The following FAM81A variants were observed in gnomAD, a reference collection of about 807,000 sequenced individuals.
FAM81A encodes protein FAM81A.
In FAM81A, 19 loss-of-function variants were observed where a neutral mutation model predicts 46.7. The observed-to-expected ratio is 0.41, with a 90% CI of 0.28 to 0.60. The LOEUF (loss-of-function observed/expected upper bound fraction) is 0.60, where lower values mean the gene tolerates loss of function less well. FAM81A is among the 20% of genes least tolerant of loss of function. The pLI is 0.34. For synonymous variants in FAM81A, 183 were observed against 152.9 expected (o/e 1.20, Z -1.45); for missense variants, 377 against 453.5 (o/e 0.83, Z 1.53).
At position 59,433,023 on chromosome 15, in the gene FAM81A, T is replaced by G. The variant is rs180984579; in HGVS notation, c.-77-25527T>G. 1.5e-3 allele frequency among the ~76,000 whole-genome samples: 228 copies of G among 149,466 alleles called. 7 individuals carry two copies. In the East Asian group the frequency reaches 0.043, roughly 28 times the overall value. ...TGGGCATGGTGGTGGGTGCCTGTAG[T>G]CCCAGCTACTCGGGAGGCTGAGGCA... On this transcript the variant is annotated intron_variant, in intron 2 of 4. Coordinates refer to the FAM81A transcript ENST00000558348.
intron 3 of FAM81A, among the ~76,000 whole-genome samples, chr15:59,482,827 C>T (rs1423081224): frequency 6.6e-6 from 1 of 152,192 alleles, no homozygotes; most frequent in East Asian, 1.9e-4. Flanking sequence ...TGCACCGGAG[C>T]TTGCCAGCGC....
chr15:59,406,553 A>G lies in FAM81A; in HGVS notation c.-78+4195A>G, dbSNP rs1366538718. On this transcript the variant is annotated intron_variant, in intron 2 of 4. Transcript: ENST00000558348. The stretch of plus-strand genomic sequence containing the variant: ...TCACCCACTTTAAGTGTACAATTTG[A>G]TAATTTTAGTAAGTTTGCAGAGTTG... Among the ~76,000 whole-genome samples the G allele has an allele frequency of 1.3e-5, 2 of 152,224 alleles. 1 individual carries two copies. The highest frequency in any genetic ancestry group is 1.3e-4 in the Admixed American group (2 of 15,286).
At chr15:59,490,821 G>A (rs2081972711) in intron 3 of FAM81A, among the ~76,000 whole-genome samples, 1 of 152,148 alleles carries the variant, frequency 6.6e-6, no homozygotes, top group Admixed American at 6.6e-5. Flanking sequence ...GGGTGACAGT[G>A]AGACTTAGTC....
At chr15:59,462,282 A>G (rs2081561985) in intron 3 of FAM81A, among the ~76,000 whole-genome samples, 2 of 152,100 alleles carry the variant, frequency 1.3e-5, no homozygotes, top group Admixed American at 6.5e-5. Context: ...CAATGTATGA[A>G]GGTCCCAGTT....
At chr15:59,519,717 C>T (rs1287560621) in intron 8 of FAM81A, among the ~76,000 whole-genome samples, 1 of 151,476 alleles carries the variant, frequency 6.6e-6, no homozygotes, top group African/African-American at 2.4e-5. Flanking sequence ...CATTTTTATC[C>T]ATTTGTGACA....
chr15:59,484,180 T>C (rs1333021799), intron 3 of FAM81A, among the ~76,000 whole-genome samples: 2 of 152,152 alleles, frequency 1.3e-5, no homozygotes, highest in Non-Finnish European at 2.9e-5. Flanking sequence ...GCAGATGAAA[T>C]AGAAAACAGG....
At chr15:59,416,960 A>C (rs1346794554) in intron 2 of FAM81A, among the ~76,000 whole-genome samples, 1 of 152,162 alleles carries the variant, frequency 6.6e-6, no homozygotes. Context: ...GCGAGTAAGC[A>C]GCCAAAGAGT....
chr15:59,455,627 G>T (rs1596484560), intron 1 of FAM81A, among the ~76,000 whole-genome samples: 1 of 152,124 alleles, frequency 6.6e-6, no homozygotes, highest in African/African-American at 2.4e-5. Context: ...TTCATAAAGG[G>T]CACCCATTCT....
Position 59,514,424 on chromosome 15 carries a change from T to G in FAM81A, c.786T>G (p.Ser262Arg). 6.2e-7 allele frequency: 1 copy of G among 1,611,608 alleles called. No homozygotes were observed. The highest frequency in any genetic ancestry group is 1.7e-5 in the Admixed American group (1 of 59,096). The change falls in exon 7 of 9, where the codon AGT becomes AGG. Residue 262 changes from serine to arginine, a missense_variant and splice_region_variant. Transcript: ENST00000288228. ...DQLSLIVKENSGASERDMEKK... is the reference protein window; with the variant it reads ...DQLSLIVKENRGASERDMEKK... ...TTTCCTTGATTGTTAAGGAAAACAG[T>G]GTAGGTATTGATGTTTAGCAAAAAT...
At chr15:59,468,043 A>G (rs2081636735) in intron 3 of FAM81A, among the ~76,000 whole-genome samples, 3 of 152,196 alleles carry the variant, frequency 2.0e-5, no homozygotes, top group Admixed American at 2.0e-4. Flanking sequence ...CCAACCTTGC[A>G]TCCCAGGGAT....
intron 2 of FAM81A, 70 bp downstream of exon 2, chr15:59,458,716 G>A: frequency 7.0e-7 from 1 of 1,428,420 alleles, no homozygotes; most frequent in Non-Finnish European, 9.9e-7. Flanking sequence ...TCAAAGCTTG[G>A]GCTGTTACAT....
chr15:59,517,114 A>C (rs970469958), intron 8 of FAM81A, among the ~76,000 whole-genome samples: 2 of 152,158 alleles, frequency 1.3e-5, no homozygotes, highest in Non-Finnish European at 2.9e-5. Context: ...ACCATCGGCC[A>C]ATTCTTTTCT....
intron 3 of FAM81A, among the ~76,000 whole-genome samples, chr15:59,483,322 C>G (rs1238820821): frequency 6.6e-6 from 1 of 152,108 alleles, no homozygotes; most frequent in African/African-American, 2.4e-5. Flanking sequence ...CAGGTGTGAG[C>G]TACTGTGGCC....
chr15:59,517,358 C>T (rs8027847), intron 8 of FAM81A, among the ~76,000 whole-genome samples: 1 of 152,052 alleles, frequency 6.6e-6, no homozygotes, highest in Non-Finnish European at 1.5e-5. Context: ...GCTCTGAACT[C>T]AGGAATACAG....
intron 3 of FAM81A, among the ~76,000 whole-genome samples, chr15:59,486,287 T>C (rs1596517611): frequency 6.6e-6 from 1 of 151,968 alleles, no homozygotes; most frequent in African/African-American, 2.4e-5. Context: ...GTTAGCAGAA[T>C]TGATCAAACA....
intron 1 of FAM81A, among the ~76,000 whole-genome samples, chr15:59,399,629 AG>A (rs1325737695): frequency 2.0e-5 from 3 of 152,182 alleles, no homozygotes; most frequent in Non-Finnish European, 2.9e-5. Flanking sequence ...TGAGGCCACA[AG>A]AATGAAGAAG....
chr15:59,512,134 A>C (rs2082217026), intron 6 of FAM81A, among the ~76,000 whole-genome samples: 2 of 152,206 alleles, frequency 1.3e-5, no homozygotes, highest in South Asian at 4.1e-4. Context: ...TGAGTGAAAA[A>C]TGAGTAGAAA....
At position 59,521,482 on chromosome 15, in the gene FAM81A, G is replaced by C; in HGVS notation, c.*104G>C. Reference sequence around the variant, plus strand: ...CTGCATTCAGGATTGTTCCATCCATGGCGTGCATGTGCCAAGAAATGTGTT... The same window carrying C: ...CTGCATTCAGGATTGTTCCATCCATCGCGTGCATGTGCCAAGAAATGTGTT... On this transcript the variant is annotated 3_prime_UTR_variant, in exon 9 of 9. Coordinates refer to ENST00000288228, the MANE Select transcript of FAM81A (RefSeq NM_152450.3). 7 of 1,347,190 alleles carry C rather than the reference G, an allele frequency of 5.2e-6. No individual in the cohort carries two copies. Among genetic ancestry groups the C allele is most frequent in the Non-Finnish European group, 6.9e-6 (7 of 1,019,266 alleles). The allele number at this position is 1,347,190 out of a possible 1,614,324, so 83.5% of individuals were successfully genotyped here.
At position 59,458,617 on chromosome 15, in the gene FAM81A, G is replaced by C; in HGVS notation, c.-10G>C. 6.2e-7 allele frequency: 1 copy of C among 1,613,862 alleles called. No homozygotes were observed. On this transcript the variant is annotated 5_prime_UTR_variant, in exon 2 of 9. Transcript: ENST00000288228. ...TTTCCTTCTCGTGTCACCAAGGAAAGGTATAATATATGGAAAATATGCATC... is the reference window on the plus strand; with the variant it reads ...TTTCCTTCTCGTGTCACCAAGGAAACGTATAATATATGGAAAATATGCATC...
Sources: gnomAD v4.1 joint callset for allele counts (sites outside exome capture counted in the v4.1 genomes callset) on GRCh38, gnomAD v4.1.1 for gene constraint, MANE v1.5 for transcripts, NCBI Gene and HGNC (gene_info 2026-07-23, HGNC 2026-07-21) for gene names.